Variants in RORA observed in about 807,000 individuals in gnomAD.
The protein encoded by RORA is nuclear receptor ROR-alpha.
A neutral mutation model predicts 69.5 loss-of-function variants in RORA; 7 were observed. That is an observed-to-expected ratio of 0.10 (90% CI 0.06 to 0.19). The LOEUF is 0.19. Ranked by LOEUF, RORA falls within the 10% of genes least tolerant of loss-of-function variation. The pLI is 1.00. For synonymous variants in RORA, 261 were observed against 240.8 expected (o/e 1.08, Z -0.78); for missense variants, 457 against 663.0 (o/e 0.69, Z 3.41).
chr15:60,743,396 T>C (rs1031936510), intron 1 of RORA, among the ~76,000 whole-genome samples: 1 of 152,246 alleles, frequency 6.6e-6, no homozygotes, highest in African/African-American at 2.4e-5. Context: ...TAGCAAAGGT[T>C]AAGTAGCTAC....
chr15:60,837,082 G>A lies in RORA; in HGVS notation c.167-158396C>T, dbSNP rs533475401. Among the ~76,000 whole-genome samples the A allele has an allele frequency of 8.7e-4, 129 of 147,994 alleles. 1 individual carries two copies. In the South Asian group the frequency reaches 0.01, roughly 12 times the overall value. On this transcript the variant is annotated intron_variant, in intron 1 of 10. Coordinates refer to ENST00000335670, the MANE Select transcript of RORA (RefSeq NM_134261.3). ...ATATGGGGTCTTGCTAAGTTGCCCA[G>A]GCTGATCTCAAACTCCTGGGCTCAA... is the stretch of plus-strand genomic sequence containing the variant.
At chr15:60,693,475 A>G (rs1055819318) in intron 1 of RORA, among the ~76,000 whole-genome samples, 1 of 152,216 alleles carries the variant, frequency 6.6e-6, no homozygotes, top group Non-Finnish European at 1.5e-5. Context: ...GAAAGAAAGA[A>G]ATATTCTTTC....
At chr15:60,917,316 G>C (rs1469259850) in intron 1 of RORA, among the ~76,000 whole-genome samples, 1 of 152,074 alleles carries the variant, frequency 6.6e-6, no homozygotes, top group African/African-American at 2.4e-5. Flanking sequence ...TAATAGCTTT[G>C]TTTGTTACTA....
intron 1 of RORA, among the ~76,000 whole-genome samples, chr15:60,866,019 C>T (rs1282556282): frequency 2.1e-5 from 3 of 144,688 alleles, no homozygotes; most frequent in African/African-American, 7.6e-5. Context: ...AAATGCATCA[C>T]CCCAAGCATT....
At chr15:61,038,561 C>A (rs1312100508) in intron 1 of RORA, among the ~76,000 whole-genome samples, 1 of 152,170 alleles carries the variant, frequency 6.6e-6, no homozygotes. Flanking sequence ...CAACAAACTT[C>A]TTCTGTGGCA....
At chr15:60,610,236 G>A (rs1450498493) in intron 2 of RORA, among the ~76,000 whole-genome samples, 1 of 147,034 alleles carries the variant, frequency 6.8e-6, no homozygotes, top group Non-Finnish European at 1.5e-5. Flanking sequence ...CACACACACA[G>A]TCCAGGGTCT....
chr15:60,933,306 G>C (rs572829880), intron 1 of RORA, among the ~76,000 whole-genome samples: 6 of 152,224 alleles, frequency 3.9e-5, no homozygotes, highest in Middle Eastern at 3.4e-3. Flanking sequence ...TCTCCCTGTA[G>C]CCTACGTTCT....
At chr15:61,017,026 ATTAT>A (rs1229374279) in intron 1 of RORA, among the ~76,000 whole-genome samples, 10 of 152,210 alleles carry the variant, frequency 6.6e-5, no homozygotes, top group African/African-American at 2.4e-4. Context: ...CATTATTATT[ATTAT>A]TATCATTGAT....
intron 5 of RORA, among the ~76,000 whole-genome samples, chr15:60,508,968 G>A (rs1172249648): frequency 6.6e-6 from 1 of 152,196 alleles, no homozygotes; most frequent in Admixed American, 6.5e-5. Context: ...AATAGGTTGT[G>A]CATACTACAC....
chr15:61,040,279 G>A (rs1896696465), intron 1 of RORA, among the ~76,000 whole-genome samples: 1 of 150,606 alleles, frequency 6.6e-6, no homozygotes, highest in Admixed American at 6.6e-5. Context: ...TTTGTCTAAG[G>A]CAAATGAGGT....
intron 2 of RORA, among the ~76,000 whole-genome samples, chr15:60,665,126 G>T (rs1248896902): frequency 1.3e-5 from 2 of 152,118 alleles, no homozygotes; most frequent in Non-Finnish European, 2.9e-5. Flanking sequence ...TTTCTTTCCA[G>T]AATTTACCTT....
intron 1 of RORA, among the ~76,000 whole-genome samples, chr15:60,918,629 T>G (rs1370164478): frequency 6.6e-6 from 1 of 152,246 alleles, no homozygotes; most frequent in African/African-American, 2.4e-5. Context: ...AGGGACTTTA[T>G]CTTTTCATTC....
intron 1 of RORA, among the ~76,000 whole-genome samples, chr15:60,738,381 G>C (rs543292799): frequency 6.6e-6 from 1 of 152,316 alleles, no homozygotes; most frequent in Admixed American, 6.5e-5. Flanking sequence ...TCCCCGGGCT[G>C]ACTCCTGCCC....
chr15:60,587,755 A>C (rs898423646), intron 2 of RORA, among the ~76,000 whole-genome samples: 13 of 152,236 alleles, frequency 8.5e-5, no homozygotes, highest in African/African-American at 2.9e-4. Context: ...TTTTATACCC[A>C]CAGGAGCAAA....
intron 1 of RORA, among the ~76,000 whole-genome samples, chr15:60,900,634 G>A (rs1241033671): frequency 6.6e-6 from 1 of 152,138 alleles, no homozygotes; most frequent in Non-Finnish European, 1.5e-5. Flanking sequence ...AGCACTCTGG[G>A]AGGCCGAGGC....
rs552232513 is a variant in RORA, at chr15:60,700,085, G to A, written c.167-21399C>T. Among the ~76,000 whole-genome samples, 21 of 152,302 alleles carry A rather than the reference G, an allele frequency of 1.4e-4. No homozygotes were observed. The South Asian group carries it at 4.2e-3, about 30-fold the overall frequency. On this transcript the variant is annotated intron_variant, in intron 1 of 10. Coordinates refer to ENST00000335670, the MANE Select transcript of RORA (RefSeq NM_134261.3). ...CACCCTGCCCAGATATGGGAATTGT[G>A]CTCATTAGGAGAAGTAGTGGGGGAG...
chr15:61,126,154 C>T (rs1312775019), intron 1 of RORA, among the ~76,000 whole-genome samples: 1 of 152,228 alleles, frequency 6.6e-6, no homozygotes, highest in Non-Finnish European at 1.5e-5. Context: ...GACAGCCAGA[C>T]ATAGAGTCTC....
At chr15:60,868,887 G>C (rs1430391561) in intron 1 of RORA, among the ~76,000 whole-genome samples, 4 of 152,158 alleles carry the variant, frequency 2.6e-5, no homozygotes, top group Non-Finnish European at 4.4e-5. Flanking sequence ...TACATAAAGA[G>C]CTGCTTTCTT....
rs80182526 is a variant in RORA at position 61,101,362 on chromosome 15, T to C, written c.166+127691A>G. Among the ~76,000 whole-genome samples the C allele has an allele frequency of 1.8e-4, 27 of 152,248 alleles. No individual in the cohort carries two copies. In the East Asian group the frequency reaches 4.8e-3, roughly 27 times the overall value. Reference sequence around the variant, plus strand: ...CATGAGAGACTGAAAAAAAGGCTTGTTTATTTTGAGACTGGAAGGATCAGT... The same window carrying C: ...CATGAGAGACTGAAAAAAAGGCTTGCTTATTTTGAGACTGGAAGGATCAGT... On this transcript the variant is annotated intron_variant, in intron 1 of 10. Coordinates refer to ENST00000335670, the MANE Select transcript of RORA (RefSeq NM_134261.3).
Sources: gnomAD v4.1 joint callset for allele counts (sites outside exome capture counted in the v4.1 genomes callset) on GRCh38, gnomAD v4.1.1 for gene constraint, MANE v1.5 for transcripts, NCBI Gene and HGNC (gene_info 2026-07-23, HGNC 2026-07-21) for gene names.